NPAS2: variants seen among roughly 807,000 people sequenced by gnomAD.
NPAS2 encodes neuronal PAS domain-containing protein 2.
NPAS2 carries 23 observed loss-of-function variants against 107.5 expected under a neutral mutation model. The ratio of observed to expected loss-of-function variants is 0.21; its 90% CI spans 0.15 to 0.30. The LOEUF (loss-of-function observed/expected upper bound fraction) is 0.30. Among genes scored for constraint, NPAS2 ranks in the 10% least tolerant of loss-of-function variants. The probability of loss-of-function intolerance (pLI) is 1.00; values close to 1 mark genes in which losing one functional copy is unlikely to be tolerated. For missense variants in NPAS2, 756 were observed against 1,043.3 expected (o/e 0.72, Z 3.79); for synonymous variants, 403 against 417.5 (o/e 0.97, Z 0.42).
At chr2:100,861,568 C>CA (rs1178090957) in intron 1 of NPAS2, among the ~76,000 whole-genome samples, 5 of 152,030 alleles carry the variant, frequency 3.3e-5, no homozygotes, top group Non-Finnish European at 7.4e-5. Flanking sequence ...GTCAGCCAGG[C>CA]AGTCATGTGA....
chr2:100,938,037 C>T (rs187651112), intron 5 of NPAS2, among the ~76,000 whole-genome samples, 195 bp downstream of exon 5: 16 of 152,298 alleles, frequency 1.1e-4, no homozygotes, highest in African/African-American at 3.8e-4. Flanking sequence ...AGGAAAAGGG[C>T]AGATGCAGGC....
At chr2:100,837,891 C>T (rs889075608) in intron 1 of NPAS2, among the ~76,000 whole-genome samples, 8 of 152,058 alleles carry the variant, frequency 5.3e-5, no homozygotes, top group East Asian at 1.9e-4. Flanking sequence ...CAGAGCTGGA[C>T]GAGACCTTAG....
intron 11 of NPAS2, among the ~76,000 whole-genome samples, chr2:100,969,076 G>A (rs540300565): frequency 1.3e-5 from 2 of 152,210 alleles, no homozygotes; most frequent in African/African-American, 4.8e-5. Context: ...TCTTCTCCCC[G>A]ACTACGGAAA....
chr2:100,960,489 C>G (rs1310879741), intron 7 of NPAS2, among the ~76,000 whole-genome samples: 1 of 151,760 alleles, frequency 6.6e-6, no homozygotes, highest in African/African-American at 2.4e-5. Context: ...CCCTGCATCT[C>G]CGCAAGCAGA....
In NPAS2 at chr2:100,937,816, A is replaced by G. The variant is rs373612998; in HGVS notation, c.337A>G (p.Ile113Val). 2 of 1,614,094 alleles carry G rather than the reference A, an allele frequency of 1.2e-6. No individual in the cohort carries two copies. Among genetic ancestry groups the G allele is most frequent in the Non-Finnish European group, 1.7e-6 (2 of 1,179,932 alleles). ...CAGCATCATCTATGTCTCTGACAGT[A>G]TCACGCCTCTCCTTGGGCATTTACC... ...DGSIIYVSDS[I>V]TPLLGHLPSD... The change falls in exon 5 of 21, where the codon ATC becomes GTC. Residue 113 changes from isoleucine (I) to valine (V), a missense_variant. Ile to Val is a conservative substitution (Grantham distance 29). Transcript: ENST00000335681.
In NPAS2 at chr2:100,974,858, C is replaced by T. The variant is rs750425809; in HGVS notation, c.1196C>T (p.Ala399Val). 14 of 1,614,124 alleles carry T rather than the reference C, an allele frequency of 8.7e-6. No individual in the cohort carries two copies. Among genetic ancestry groups the T allele is most frequent in the Non-Finnish European group, 1.2e-5 (14 of 1,179,986 alleles). The change falls in exon 13 of 21, where the codon GCC (alanine) becomes GTC (valine). Residue 399 changes from alanine to valine, a missense_variant. This residue lies in a region of NPAS2 where 496 missense variants were observed against 594.4 expected (regional missense o/e 0.83). Coordinates refer to ENST00000335681, the MANE Select transcript of NPAS2 (RefSeq NM_002518.4). Reference sequence around the variant, plus strand: ...CACTTTAACACACTCGACGTGGGTGCCTCGGGCCTTAATACCAGTCATTCG... The same window carrying T: ...CACTTTAACACACTCGACGTGGGTGTCTCGGGCCTTAATACCAGTCATTCG... ...RQHFNTLDVG[A>V]SGLNTSHSPS...
intron 1 of NPAS2, among the ~76,000 whole-genome samples, chr2:100,837,341 T>C (rs1331981322): frequency 6.6e-6 from 1 of 152,204 alleles, no homozygotes; most frequent in Non-Finnish European, 1.5e-5. Flanking sequence ...GAATTTTTGC[T>C]CTTGTCACCC....
At chr2:100,894,268 G>A (rs189799486) in intron 1 of NPAS2, among the ~76,000 whole-genome samples, 21 of 152,336 alleles carry the variant, frequency 1.4e-4, no homozygotes, top group Non-Finnish European at 2.1e-4. Flanking sequence ...TTGAGGGTCT[G>A]CTGTGTGAAG....
At chr2:100,913,429 A>T (rs1265046643) in intron 2 of NPAS2, among the ~76,000 whole-genome samples, 1 of 152,164 alleles carries the variant, frequency 6.6e-6, no homozygotes. Context: ...AGTTAACAGA[A>T]CTAGACTTAG....
At chr2:100,917,752 C>CA (rs1682978419) in intron 2 of NPAS2, among the ~76,000 whole-genome samples, 1 of 152,118 alleles carries the variant, frequency 6.6e-6, no homozygotes. Context: ...ACCAAACTCA[C>CA]AAAAGATGAA....
intron 3 of NPAS2, 130 bp downstream of exon 3, chr2:100,925,424 C>A: frequency 1.0e-6 from 1 of 957,780 alleles, no homozygotes; most frequent in South Asian, 1.7e-5. Context: ...CGAGGGCTTC[C>A]CATTGTAAAG....
At chr2:100,926,851 T>C (rs545338594) in intron 3 of NPAS2, among the ~76,000 whole-genome samples, 21 of 152,168 alleles carry the variant, frequency 1.4e-4, no homozygotes, top group Non-Finnish European at 2.6e-4. Flanking sequence ...AGGCATTCTA[T>C]CTAAGAAATC....
chr2:100,941,111 GTC>G (rs1053736860), intron 5 of NPAS2, among the ~76,000 whole-genome samples: 25 of 152,352 alleles, frequency 1.6e-4, no homozygotes, highest in African/African-American at 4.8e-4. Flanking sequence ...GGGGCTTCAA[GTC>G]TCTCTCTGTT....
intron 1 of NPAS2, among the ~76,000 whole-genome samples, chr2:100,886,906 T>G (rs1347961839): frequency 1.3e-5 from 2 of 152,216 alleles, no homozygotes; most frequent in Non-Finnish European, 2.9e-5. Context: ...GGGGTAAACA[T>G]TCCCAGAGTC....
intron 1 of NPAS2, among the ~76,000 whole-genome samples, chr2:100,824,011 A>G (rs899828025): frequency 3.3e-5 from 5 of 152,228 alleles, no homozygotes; most frequent in African/African-American, 1.2e-4. Context: ...AGTCCTTGTC[A>G]GAAAAACAGT....
chr2:100,995,495 A>T lies in NPAS2; in HGVS notation c.2388A>T (p.Pro796=). Residue 796 remains proline (P), a synonymous_variant, in exon 21 of 21, where the codon CCA becomes CCT. Coordinates refer to ENST00000335681, the MANE Select transcript of NPAS2 (RefSeq NM_002518.4). ...QQPGTLGYPQ[P]PPAQPQPLRP... ...CAGGGACCCTGGGCTACCCCCAACC[A>T]CCCCCAGCACAGCCCCAGCCCCTAC... is the stretch of plus-strand genomic sequence containing the variant. The T allele has an allele frequency of 6.2e-7, 1 of 1,607,684 alleles. No homozygotes were observed.
intron 2 of NPAS2, among the ~76,000 whole-genome samples, chr2:100,919,377 A>G (rs1206562170): frequency 1.3e-5 from 2 of 152,194 alleles, no homozygotes; most frequent in African/African-American, 4.8e-5. Context: ...AAGGGGAAAA[A>G]AAACAAAAAC....
chr2:100,964,273 C>A, intron 8 of NPAS2, 97 bp downstream of exon 8: 1 of 866,394 alleles, frequency 1.2e-6, no homozygotes, highest in South Asian at 1.5e-5. Flanking sequence ...GAATAAATTG[C>A]AGTGAAGTTG....
chr2:100,954,517 T>G (rs891068049), intron 7 of NPAS2, among the ~76,000 whole-genome samples: 1 of 151,978 alleles, frequency 6.6e-6, no homozygotes, highest in Non-Finnish European at 1.5e-5. Context: ...ATACAAAAAT[T>G]AGCTGGGTGT....
Sources: allele counts gnomAD v4.1 joint callset (sites outside exome capture counted in the v4.1 genomes callset), GRCh38; gene constraint gnomAD v4.1.1; regional missense constraint gnomAD v4.1.1; transcripts MANE v1.5; gene names NCBI Gene and HGNC (gene_info 2026-07-23, HGNC 2026-07-21).